Variants in PMP22 observed in about 807,000 individuals in gnomAD.
The protein encoded by PMP22 is Charcot-Marie-Tooth neuropathy 1A (greatly reduced nerve conduction velocity, hereditary motor sensory neuropathy Ia).
Under a neutral mutation model 18.9 loss-of-function variants are expected in PMP22, and 2 were observed. The ratio of observed to expected loss-of-function variants is 0.11; its 90% CI spans 0.04 to 0.33. The LOEUF is 0.33. Among genes scored for constraint, PMP22 ranks in the 10% least tolerant of loss-of-function variants. The pLI is 1.00. For synonymous variants in PMP22, 95 were observed against 89.2 expected (o/e 1.07, Z -0.37); for missense variants, 169 against 202.2 (o/e 0.84, Z 1.00).
chr17:15,256,803 G>T (rs1218421619), intron 3 of PMP22, among the ~76,000 whole-genome samples: 1 of 152,158 alleles, frequency 6.6e-6, no homozygotes. Context: ...TCAGCTTATT[G>T]TCTGCAGCCA....
intron 3 of PMP22, among the ~76,000 whole-genome samples, chr17:15,255,377 A>G (rs1908735123): frequency 6.6e-6 from 1 of 152,088 alleles, no homozygotes; most frequent in Non-Finnish European, 1.5e-5. Context: ...AAGGAGATTC[A>G]TTCTTCCCCA....
At position 15,260,500 on chromosome 17, in the gene PMP22, G is replaced by T. The variant is rs1392548383; in HGVS notation, c.78+150C>A. On this transcript the variant is annotated intron_variant, in intron 2 of 4. Transcript: ENST00000312280. ...TGCTCTCGTTTTCTCAAAGCAACTG[G>T]AAGGGGGCAGATTGCCAGAAACTTC... 6.9e-6 allele frequency: 5 copies of T among 724,352 alleles called. No homozygotes were observed. In the African/African-American group the frequency reaches 7.0e-5, roughly 10 times the overall value. 44.9% of individuals were successfully genotyped at this position (724,352 alleles called of 1,614,324 possible).
chr17:15,258,959 C>T lies in PMP22; in HGVS notation c.178+135G>A. The T allele has an allele frequency of 1.4e-6, 1 of 724,510 alleles. No homozygotes were observed. The allele number at this position is 724,510 out of a possible 1,614,324, so 44.9% of individuals were successfully genotyped here. A position where few individuals can be genotyped will look rare whatever the true frequency, so the allele number is the denominator to read the frequency against. ...CCTCCCATTTTCCCTGGACTCATGG[C>T]TCCCTGTCACATCCCACCCCACCCC... On this transcript the variant is annotated intron_variant, in intron 3 of 4. Transcript: ENST00000312280. This position sits in a 1 kb window ranked among gnomAD's most constrained non-coding sequence, Gnocchi z 4.1.
chr17:15,247,535 CT>C (rs1157045484), intron 3 of PMP22, among the ~76,000 whole-genome samples: 1 of 152,152 alleles, frequency 6.6e-6, no homozygotes, highest in East Asian at 1.9e-4. Context: ...AAGATCAAAG[CT>C]CATTTCAAGG....
rs151202324 is a variant in PMP22, at chr17:15,235,919, T to C, written c.319+3552A>G. ...ACAGGCACGCACCACCACGCCTGGC[T>C]ATTTTTTTATTTTTATTTTTAGTAG... On this transcript the variant is annotated intron_variant, in intron 4 of 4. Transcript: ENST00000312280. Among the ~76,000 whole-genome samples the C allele has an allele frequency of 3.7e-3, 556 of 152,100 alleles. 5 individuals carry two copies. Among genetic ancestry groups the C allele is most frequent in the African/African-American group, 0.013 (524 of 41,496 alleles).
intron 4 of PMP22, among the ~76,000 whole-genome samples, chr17:15,232,809 C>G (rs1180959489): frequency 1.3e-5 from 2 of 152,110 alleles, no homozygotes; most frequent in Non-Finnish European, 2.9e-5. Context: ...TACCAGATTC[C>G]ATCCTTGAAC....
At chr17:15,234,792 TA>T (rs1906647397) in intron 4 of PMP22, among the ~76,000 whole-genome samples, 1 of 138,926 alleles carries the variant, frequency 7.2e-6, no homozygotes, top group African/African-American at 3.2e-5. Context: ...GAACTTTTAT[TA>T]ATCCCCCCCC....
chr17:15,249,985 G>C (rs534159861), intron 3 of PMP22, among the ~76,000 whole-genome samples: 1 of 152,088 alleles, frequency 6.6e-6, no homozygotes, highest in South Asian at 2.1e-4. Flanking sequence ...GTGCGATCTC[G>C]GCTCACTGCA....
chr17:15,260,954 G>T (rs1430279365), intron 1 of PMP22, 193 bp from the exon 2 acceptor site: 3 of 357,906 alleles, frequency 8.4e-6, no homozygotes, highest in South Asian at 8.0e-5. Context: ...CAGGACCAGC[G>T]CCCAGTGCCC....
chr17:15,252,485 C>T (rs1382914448), intron 3 of PMP22, among the ~76,000 whole-genome samples: 2 of 152,178 alleles, frequency 1.3e-5, no homozygotes, highest in Non-Finnish European at 2.9e-5. Flanking sequence ...GCGTCTGGTG[C>T]TGGTCCCGCC....
intron 2 of PMP22, among the ~76,000 whole-genome samples, chr17:15,259,938 CAAAAA>C (rs61415317): frequency 1.0e-5 from 1 of 97,876 alleles, no homozygotes. Flanking sequence ...GACTCCATCT[CAAAAA>C]AAAAAAAAAA....
intron 1 of PMP22, among the ~76,000 whole-genome samples, chr17:15,262,230 A>C (rs1164462876): frequency 6.6e-6 from 1 of 152,156 alleles, no homozygotes; most frequent in Admixed American, 6.5e-5. Flanking sequence ...GGTCTTATAG[A>C]CCATAAAGGC....
intron 4 of PMP22, among the ~76,000 whole-genome samples, chr17:15,237,848 A>G (rs1474768149): frequency 6.6e-6 from 1 of 152,232 alleles, no homozygotes; most frequent in Admixed American, 6.5e-5. Context: ...ACACATGGGC[A>G]TGAAAACCCA....
intron 1 of PMP22, 127 bp from the exon 2 acceptor site, chr17:15,260,888 G>GC: frequency 1.5e-6 from 1 of 651,312 alleles, no homozygotes; most frequent in South Asian, 1.8e-5. Context: ...CCGACCGCCC[G>GC]CGCGGGTCAG....
At chr17:15,244,861 GA>G (rs1907655871) in intron 3 of PMP22, among the ~76,000 whole-genome samples, 1 of 152,128 alleles carries the variant, frequency 6.6e-6, no homozygotes, top group African/African-American at 2.4e-5. Flanking sequence ...TTCAGTTGAG[GA>G]TATTTTCATG....
intron 3 of PMP22, among the ~76,000 whole-genome samples, chr17:15,241,361 A>G (rs1489994852): frequency 6.6e-6 from 1 of 152,228 alleles, no homozygotes; most frequent in Non-Finnish European, 1.5e-5. Flanking sequence ...TAAAAAAATT[A>G]TCTAGCACTT....
chr17:15,237,645 T>C (rs1906923990), intron 4 of PMP22, among the ~76,000 whole-genome samples: 1 of 152,234 alleles, frequency 6.6e-6, no homozygotes, highest in African/African-American at 2.4e-5. Context: ...ATATAAGAAG[T>C]ACCTCACTAT....
At chr17:15,234,801 C>A (rs1906650524) in intron 4 of PMP22, among the ~76,000 whole-genome samples, 1 of 151,464 alleles carries the variant, frequency 6.6e-6, no homozygotes, top group Admixed American at 6.6e-5. Flanking sequence ...TTAATCCCCC[C>A]CCACCAAATT....
chr17:15,258,926 T>C lies in PMP22; in HGVS notation c.178+168A>G. 1.5e-6 allele frequency: 1 copy of C among 685,194 alleles called. No individual in the cohort carries two copies. The highest frequency in any genetic ancestry group is 2.7e-6 in the Non-Finnish European group (1 of 373,890). 42.4% of individuals were successfully genotyped at this position (685,194 alleles called of 1,614,324 possible). The stretch of plus-strand genomic sequence containing the variant: ...CAGGATCTCAGCTTCCCCAGCGAGA[T>C]CACCACCCCTCCCATTTTCCCTGGA... On this transcript the variant is annotated intron_variant, in intron 3 of 4. Transcript: ENST00000312280. The surrounding 1 kb of genome is among the most constrained non-coding windows in gnomAD (Gnocchi z 4.1).
Sources: allele counts gnomAD v4.1 joint callset (sites outside exome capture counted in the v4.1 genomes callset), GRCh38; gene constraint gnomAD v4.1.1; non-coding constraint Gnocchi (gnomAD v3.1); transcripts MANE v1.5; gene names NCBI Gene and HGNC (gene_info 2026-07-23, HGNC 2026-07-21).